The following OSBPL1A variants were observed in gnomAD, a reference collection of about 807,000 sequenced individuals.
OSBPL1A encodes oxysterol-binding protein-related protein 1.
Under a neutral mutation model 137.1 loss-of-function variants are expected in OSBPL1A, and 80 were observed. That is an observed-to-expected ratio of 0.58 (90% CI 0.49 to 0.70). The LOEUF is 0.70. OSBPL1A is among the 30% of genes least tolerant of loss of function. The pLI, the probability that OSBPL1A is intolerant of heterozygous loss-of-function variation, is 0.00. For missense variants in OSBPL1A, 970 were observed against 1,129.4 expected (o/e 0.86, Z 2.02); for synonymous variants, 365 against 389.7 (o/e 0.94, Z 0.75).
chr18:24,218,694 C>A (rs2087787317), intron 17 of OSBPL1A, among the ~76,000 whole-genome samples: 1 of 152,112 alleles, frequency 6.6e-6, no homozygotes, highest in African/African-American at 2.4e-5. Context: ...GATCCACCCA[C>A]CTCGGTCTCC....
At chr18:24,291,645 A>G (rs1299753288) in intron 14 of OSBPL1A, among the ~76,000 whole-genome samples, 1 of 152,168 alleles carries the variant, frequency 6.6e-6, no homozygotes, top group Non-Finnish European at 1.5e-5. Flanking sequence ...CCTTGAATTA[A>G]AGAACAGAGT....
chr18:24,354,422 G>A (rs949376510), intron 4 of OSBPL1A, among the ~76,000 whole-genome samples: 5 of 118,660 alleles, frequency 4.2e-5, no homozygotes, highest in African/African-American at 1.6e-4. Flanking sequence ...GCAGGAACAC[G>A]GGGGAACACC....
intron 21 of OSBPL1A, among the ~76,000 whole-genome samples, chr18:24,173,104 T>C (rs1017719782): frequency 6.6e-6 from 1 of 152,142 alleles, no homozygotes; most frequent in African/African-American, 2.4e-5. Context: ...TCTGGGAATA[T>C]GGAGGAGCTG....
At chr18:24,380,323 TC>T (rs1266837672) in intron 1 of OSBPL1A, among the ~76,000 whole-genome samples, 1 of 152,156 alleles carries the variant, frequency 6.6e-6, no homozygotes, top group Admixed American at 6.5e-5. Context: ...AGCAAAGGAA[TC>T]CCCAGAGTGA....
At chr18:24,320,345 G>A (rs191654120) in intron 7 of OSBPL1A, among the ~76,000 whole-genome samples, 134 of 152,228 alleles carry the variant, frequency 8.8e-4, no homozygotes, top group African/African-American at 3.1e-3. Flanking sequence ...ACCACGGTAC[G>A]CCCAGACTTT....
chr18:24,280,797 A>C, intron 15 of OSBPL1A, 45 bp downstream of exon 15: 1 of 1,369,412 alleles, frequency 7.3e-7, no homozygotes, highest in Non-Finnish European at 9.9e-7. Context: ...CCACGCATGC[A>C]ACATCCAAAC....
chr18:24,186,903 C>CAAAAAAAAAAAAA (rs57438319), intron 18 of OSBPL1A, among the ~76,000 whole-genome samples: 1 of 62,628 alleles, frequency 1.6e-5, no homozygotes. Flanking sequence ...GACTCTGTCT[C>CAAAAAAAAAAAAA]AAAAAAAAAA....
rs936791051 is a variant in OSBPL1A, at chr18:24,385,093, T to C, written c.-2-7558A>G. Among the ~76,000 whole-genome samples the C allele has an allele frequency of 3.3e-5, 5 of 151,774 alleles. No individual in the cohort carries two copies. In the East Asian group the frequency reaches 7.9e-4, roughly 24 times the overall value. On this transcript the variant is annotated intron_variant, in intron 1 of 27. Coordinates refer to ENST00000319481, the MANE Select transcript of OSBPL1A (RefSeq NM_080597.4). ...CCTCAGCCTCCCAAGTAGCTGGGAC[T>C]ACAGGCGCCCGCCACCACACCCGGC...
intron 15 of OSBPL1A, among the ~76,000 whole-genome samples, chr18:24,256,137 C>T (rs2089267274): frequency 6.6e-6 from 1 of 152,044 alleles, no homozygotes; most frequent in Non-Finnish European, 1.5e-5. Flanking sequence ...ATTTTTGAAT[C>T]CACATGTTGA....
intron 17 of OSBPL1A, among the ~76,000 whole-genome samples, chr18:24,199,055 C>T (rs2087131161): frequency 6.6e-6 from 1 of 151,926 alleles, no homozygotes; most frequent in Non-Finnish European, 1.5e-5. Flanking sequence ...GATAGGGTTT[C>T]ACCATGTTGG....
chr18:24,164,244 C>G (rs1233797766), intron 27 of OSBPL1A, among the ~76,000 whole-genome samples: 3 of 152,010 alleles, frequency 2.0e-5, no homozygotes, highest in African/African-American at 7.2e-5. Flanking sequence ...TTCAACATCA[C>G]TAATTATGAG....
chr18:24,379,530 A>G (rs1018839438), intron 1 of OSBPL1A, among the ~76,000 whole-genome samples: 18 of 151,236 alleles, frequency 1.2e-4, no homozygotes, highest in African/African-American at 4.4e-4. Context: ...AAAAAAAAAA[A>G]AAAGAATGTT....
chr18:24,195,998 T>C, intron 18 of OSBPL1A, 127 bp downstream of exon 18: 2 of 751,062 alleles, frequency 2.7e-6, no homozygotes, highest in South Asian at 1.6e-5. Context: ...TTTCACAATT[T>C]ATGATTCTCG....
chr18:24,369,068 T>G (rs952881264), intron 2 of OSBPL1A, among the ~76,000 whole-genome samples: 1 of 152,202 alleles, frequency 6.6e-6, no homozygotes, highest in African/African-American at 2.4e-5. Flanking sequence ...ATTAAGTCTC[T>G]TTTCTTCATA....
In OSBPL1A at chr18:24,243,210, G is replaced by A. The variant is rs2088767294; in HGVS notation, c.1282-3828C>T. On this transcript the variant is annotated intron_variant, in intron 15 of 27. Transcript: ENST00000319481. Reference sequence around the variant, plus strand: ...CGTCGCACTCCAGCCTGAGCAACAGGCGAGATTCTGTCTCAAAAACATAAA... The same window carrying A: ...CGTCGCACTCCAGCCTGAGCAACAGACGAGATTCTGTCTCAAAAACATAAA... Among the ~76,000 whole-genome samples, 4 of 152,220 alleles carry A rather than the reference G, an allele frequency of 2.6e-5. No individual in the cohort carries two copies. The South Asian group carries it at 8.3e-4, about 32-fold the overall frequency.
chr18:24,310,061 G>GA lies in OSBPL1A; in HGVS notation c.1092+1922dup, dbSNP rs1204969640. Among the ~76,000 whole-genome samples the GA allele has an allele frequency of 7.7e-3, 806 of 104,276 alleles. 8 individuals are homozygous for GA. Among genetic ancestry groups the GA allele is most frequent in the African/African-American group, 0.024 (689 of 28,892 alleles). The allele number at this position is 104,276 out of a possible 152,430, so 68.4% of individuals were successfully genotyped here. ...GACTCTGTCTCAAAAAAAAAAAAAA[G>GA]AAAAAAAAAAAAAAGATTTACAGAA... is the stretch of plus-strand genomic sequence containing the variant. On this transcript the variant is annotated intron_variant, in intron 13 of 27. Transcript: ENST00000319481.
At chr18:24,333,773 T>G (rs1364374405) in intron 6 of OSBPL1A, among the ~76,000 whole-genome samples, 1 of 152,216 alleles carries the variant, frequency 6.6e-6, no homozygotes, top group African/African-American at 2.4e-5. Context: ...TCTAATGTGG[T>G]ATAAGTATTC....
intron 15 of OSBPL1A, among the ~76,000 whole-genome samples, chr18:24,244,236 T>C (rs2088811301): frequency 6.6e-6 from 1 of 152,240 alleles, no homozygotes; most frequent in Non-Finnish European, 1.5e-5. Flanking sequence ...TTCACTTCTA[T>C]TATGTATCAA....
chr18:24,228,674 T>C (rs1261867052), intron 16 of OSBPL1A, among the ~76,000 whole-genome samples: 1 of 151,456 alleles, frequency 6.6e-6, no homozygotes, highest in African/African-American at 2.4e-5. Flanking sequence ...CTTTACAGAG[T>C]GGAGAATGTT....
Sources: gnomAD v4.1 joint callset for allele counts (sites outside exome capture counted in the v4.1 genomes callset) on GRCh38, gnomAD v4.1.1 for gene constraint, MANE v1.5 for transcripts, NCBI Gene and HGNC (gene_info 2026-07-23, HGNC 2026-07-21) for gene names.